The following CDH23 variants were observed in gnomAD, a reference collection of about 807,000 sequenced individuals.
The protein encoded by CDH23 is cadherin related 23, also known as cadherin-23.
A neutral mutation model predicts 317.1 loss-of-function variants in CDH23; 189 were observed. That is an observed-to-expected ratio of 0.60 (90% CI 0.53 to 0.67). The LOEUF (loss-of-function observed/expected upper bound fraction) is 0.67. CDH23 is among the 30% of genes least tolerant of loss of function. CDH23 has a pLI of 0.00. For synonymous variants in CDH23, 1,839 were observed against 1,876.8 expected, an observed-to-expected ratio of 0.98 and a Z score of 0.52; for missense variants, 4,401 against 4,592.4, an observed-to-expected ratio of 0.96 and a Z score of 1.20.
At chr10:71,634,295 A>T (rs1862155918) in intron 11 of CDH23, among the ~76,000 whole-genome samples, 1 of 152,190 alleles carries the variant, frequency 6.6e-6, no homozygotes, top group African/African-American at 2.4e-5. Context: ...TGGGCTTGGG[A>T]CAGGCCTGGG....
At chr10:71,672,797 G>A (rs1449389843) in intron 14 of CDH23, among the ~76,000 whole-genome samples, 1 of 152,130 alleles carries the variant, frequency 6.6e-6, no homozygotes, top group East Asian at 1.9e-4. Context: ...AAGGGGATGG[G>A]ATGCAGGCAC....
intron 1 of CDH23, among the ~76,000 whole-genome samples, chr10:71,410,293 A>C (rs1220324626): frequency 6.6e-6 from 1 of 152,184 alleles, no homozygotes; most frequent in Non-Finnish European, 1.5e-5. Context: ...ACAGTCTTGC[A>C]GGCTGCCTGG....
intron 14 of CDH23, 176 bp downstream of exon 14, chr10:71,646,793 C>T (rs760868816): frequency 1.9e-6 from 3 of 1,551,488 alleles, no homozygotes; most frequent in Non-Finnish European, 2.6e-6. Flanking sequence ...GGAAGGGGCT[C>T]CCTTGACCTA....
intron 3 of CDH23, among the ~76,000 whole-genome samples, chr10:71,509,392 G>T (rs967372372): frequency 3.9e-5 from 6 of 152,250 alleles, no homozygotes; most frequent in South Asian, 2.1e-4. Flanking sequence ...GAAGTCCAGA[G>T]GATGGAGCTA....
chr10:71,754,314 A>AG (rs58622083), intron 38 of CDH23, among the ~76,000 whole-genome samples: 14,897 of 152,158 alleles, frequency 0.098, 851 homozygotes, highest in South Asian at 0.22. Context: ...GTGACCCACT[A>AG]TGGGGCTTCA....
At position 71,554,073 on chromosome 10, in the gene CDH23, T is replaced by C. The variant is rs148800918; in HGVS notation, c.430-12669T>C. ...ACCCTTACACAGCCCCGTGAGGTAA[T>C]AGCATTATGACAGAGCCAAAGATTT... On this transcript the variant is annotated intron_variant, in intron 6 of 69. Coordinates refer to ENST00000224721, the MANE Select transcript of CDH23 (RefSeq NM_022124.6). Among the ~76,000 whole-genome samples the C allele has an allele frequency of 1.2e-3, 183 of 152,364 alleles. 1 individual carries two copies. The highest frequency in any genetic ancestry group is 4.3e-3 in the African/African-American group (179 of 41,580).
chr10:71,813,727 C>T (rs961457917), intron 69 of CDH23, among the ~76,000 whole-genome samples: 3 of 151,958 alleles, frequency 2.0e-5, no homozygotes, highest in African/African-American at 7.3e-5. Context: ...GCCAACGTGG[C>T]GAAACCCCAT....
chr10:71,667,361 T>TAGA (rs1863951657), intron 14 of CDH23, among the ~76,000 whole-genome samples: 3 of 65,608 alleles, frequency 4.6e-5, no homozygotes, highest in Non-Finnish European at 8.7e-5. Context: ...AGAGAGAGAG[T>TAGA]GTGTGTGTGT....
chr10:71,728,391 C>T (rs1189498210), intron 30 of CDH23, among the ~76,000 whole-genome samples: 1 of 152,084 alleles, frequency 6.6e-6, no homozygotes. Flanking sequence ...GAAACTTTTA[C>T]ACCCATATGC....
At chr10:71,533,809 G>T (rs900355185) in intron 6 of CDH23, among the ~76,000 whole-genome samples, 1 of 152,018 alleles carries the variant, frequency 6.6e-6, no homozygotes, top group South Asian at 2.1e-4. Flanking sequence ...AGAGCAAGAC[G>T]TGCAAATAAA....
chr10:71,513,655 G>A, intron 6 of CDH23, among the ~76,000 whole-genome samples: 1 of 152,278 alleles, frequency 6.6e-6, no homozygotes. Flanking sequence ...GGTAAGCAGT[G>A]GTTGCTCTTG....
chr10:71,806,030 C>A lies in CDH23; in HGVS notation c.8064+33C>A, dbSNP rs371710351. On this transcript the variant is annotated intron_variant, in intron 56 of 69. Transcript: ENST00000224721. ...CGGGGCCCGGTGCGAGGGGCGGGGT[C>A]TGGGGCGGGGCTTTCTTCTGGGGGC... The A allele has an allele frequency of 1.1e-3, 665 of 617,260 alleles. 2 individuals carry two copies. The African/African-American group carries it at 0.012, about 11-fold the overall frequency. 38.2% of individuals were successfully genotyped at this position (617,260 alleles called of 1,614,324 possible).
At chr10:71,621,741 C>T (rs1016243891) in intron 11 of CDH23, among the ~76,000 whole-genome samples, 1 of 152,170 alleles carries the variant, frequency 6.6e-6, no homozygotes, top group Non-Finnish European at 1.5e-5. Flanking sequence ...AATTCACTGC[C>T]GCCACCAGAT....
chr10:71,618,242 C>G (rs914317201), intron 11 of CDH23, among the ~76,000 whole-genome samples: 1 of 152,132 alleles, frequency 6.6e-6, no homozygotes, highest in African/African-American at 2.4e-5. Flanking sequence ...GGGGTCTACC[C>G]TGGCTGGGCC....
intron 3 of CDH23, among the ~76,000 whole-genome samples, chr10:71,499,749 G>A (rs984974970): frequency 6.6e-6 from 1 of 152,034 alleles, no homozygotes; most frequent in Non-Finnish European, 1.5e-5. Context: ...TGAGGCAGGA[G>A]AATCGCTTGA....
intron 6 of CDH23, among the ~76,000 whole-genome samples, chr10:71,561,393 C>T (rs1388337553): frequency 6.6e-6 from 1 of 152,052 alleles, no homozygotes; most frequent in Non-Finnish European, 1.5e-5. Context: ...CCTTTTCTCC[C>T]TTGCTGCACA....
intron 28 of CDH23, chr10:71,713,455 G>A: frequency 3.4e-6 from 2 of 591,276 alleles, no homozygotes; most frequent in Admixed American, 3.0e-5. Flanking sequence ...GGGAATCTGG[G>A]CCTGCCCACT....
Position 71,702,336 on chromosome 10 carries a change from A to G in CDH23, c.2587+125A>G, listed in dbSNP as rs1291152699. ...ATGTCTGATCACCAAGAGTAGAGTA[A>G]TACCCACGCCCCAGTTGTGACTCCT... is the stretch of plus-strand genomic sequence containing the variant. On this transcript the variant is annotated intron_variant, in intron 23 of 69. Coordinates refer to ENST00000224721, the MANE Select transcript of CDH23 (RefSeq NM_022124.6). The G allele has an allele frequency of 2.5e-6, 3 of 1,184,778 alleles. No individual in the cohort carries two copies. The African/African-American group carries it at 4.5e-5, about 18-fold the overall frequency. 73.4% of individuals were successfully genotyped at this position (1,184,778 alleles called of 1,614,324 possible).
chr10:71,543,790 T>C lies in CDH23; in HGVS notation c.430-22952T>C, dbSNP rs118043553. On this transcript the variant is annotated intron_variant, in intron 6 of 69. Coordinates refer to ENST00000224721, the MANE Select transcript of CDH23 (RefSeq NM_022124.6). Reference sequence around the variant, plus strand: ...CTCTTACCAGCCACCCCACCCCATGTGGGGATGTGGAGGATCCCAGGGCTG... The same window carrying C: ...CTCTTACCAGCCACCCCACCCCATGCGGGGATGTGGAGGATCCCAGGGCTG... Among the ~76,000 whole-genome samples the C allele has an allele frequency of 6.9e-4, 105 of 152,270 alleles. No homozygotes were observed. In the East Asian group the frequency reaches 0.018, roughly 25 times the overall value.
Sources: gnomAD v4.1 joint callset for allele counts (sites outside exome capture counted in the v4.1 genomes callset) on GRCh38, gnomAD v4.1.1 for gene constraint, MANE v1.5 for transcripts, NCBI Gene and HGNC (gene_info 2026-07-23, HGNC 2026-07-21) for gene names.